The following B3GLCT variants were observed in gnomAD, a reference collection of about 807,000 sequenced individuals.
B3GLCT encodes the protein beta 3-glucosyltransferase.
A neutral mutation model predicts 63.4 loss-of-function variants in B3GLCT; 65 were observed. That is an observed-to-expected ratio of 1.03 (90% CI 0.84 to 1.26). B3GLCT has a LOEUF of 1.26. Among genes scored for constraint, B3GLCT ranks in the 50% most tolerant of loss-of-function variants. B3GLCT has a pLI of 0.00. For missense variants in B3GLCT, 577 were observed against 604.8 expected, an observed-to-expected ratio of 0.95 and a Z score of 0.48; for synonymous variants, 233 against 219.2, an observed-to-expected ratio of 1.06 and a Z score of -0.55.
At chr13:31,273,811 C>CCTGGCT (rs1872668289) in intron 8 of B3GLCT, among the ~76,000 whole-genome samples, 1 of 152,124 alleles carries the variant, frequency 6.6e-6, no homozygotes, top group Non-Finnish European at 1.5e-5. Context: ...ATTAGGGAGG[C>CCTGGCT]CTGGCTTTTG....
chr13:31,316,432 A>AT (rs1566096056), intron 12 of B3GLCT, among the ~76,000 whole-genome samples: 4 of 21,404 alleles, frequency 1.9e-4, no homozygotes, highest in African/African-American at 3.3e-4. Flanking sequence ...TATATATATA[A>AT]ATTTTTTTTT....
At position 31,213,019 on chromosome 13, in the gene B3GLCT, T is replaced by TGTGTGTGTGTGTGTGTGCACGTGTGCGC. The variant is rs1593247654; in HGVS notation, c.71-2011_71-2010insTGTGCGCGTGTGTGTGTGTGTGTGCACG. 2.1e-5 allele frequency among the ~76,000 whole-genome samples: 3 copies of TGTGTGTGTGTGTGTGTGCACGTGTGCGC among 146,220 alleles called. No individual in the cohort carries two copies. In the East Asian group the frequency reaches 6.0e-4, roughly 29 times the overall value. ...AGAACTTGAAGAAATGATTGGGCTT[T>TGTGTGTGTGTGTGTGTGCACGTGTGCGC]GTGTGTGTGTGTGTGTGCACGCGTG... On this transcript the variant is annotated intron_variant, in intron 1 of 14. Transcript: ENST00000343307.
intron 4 of B3GLCT, among the ~76,000 whole-genome samples, chr13:31,230,717 T>G (rs1409893320): frequency 6.6e-6 from 1 of 151,996 alleles, no homozygotes; most frequent in Non-Finnish European, 1.5e-5. Context: ...AGTTAAAAAT[T>G]TTTCTTTTTT....
At chr13:31,299,270 A>G (rs1013549514) in intron 12 of B3GLCT, among the ~76,000 whole-genome samples, 1 of 152,220 alleles carries the variant, frequency 6.6e-6, no homozygotes, top group Non-Finnish European at 1.5e-5. Flanking sequence ...CTATCAAACT[A>G]TGACTCTGAG....
chr13:31,261,209 A>C (rs1872015863), intron 7 of B3GLCT, 127 bp downstream of exon 7: 2 of 1,104,844 alleles, frequency 1.8e-6, no homozygotes, highest in African/African-American at 1.6e-5. Flanking sequence ...AGTGTGTGGT[A>C]AGATCTGGAA....
At chr13:31,263,071 C>A (rs776369426) in intron 7 of B3GLCT, among the ~76,000 whole-genome samples, 10 of 152,104 alleles carry the variant, frequency 6.6e-5, no homozygotes, top group Non-Finnish European at 1.3e-4. Context: ...AACCAGTGGG[C>A]CCAGGTAGAG....
At chr13:31,266,159 G>A (rs749024481) in intron 7 of B3GLCT, among the ~76,000 whole-genome samples, 5 of 151,996 alleles carry the variant, frequency 3.3e-5, no homozygotes, top group Non-Finnish European at 5.9e-5. Context: ...CACCACACCC[G>A]CCTAATATTT....
chr13:31,312,661 G>T lies in B3GLCT; in HGVS notation c.1065-4905G>T, dbSNP rs575128386. Reference sequence around the variant, plus strand: ...AACTTAGTTAAGAGAGAATAAAGTTGCTTCAATAAGAAGTCGCAGGGAGCT... The same window carrying T: ...AACTTAGTTAAGAGAGAATAAAGTTTCTTCAATAAGAAGTCGCAGGGAGCT... On this transcript the variant is annotated intron_variant, in intron 12 of 14. Transcript: ENST00000343307. The T allele has an allele frequency of 3.3e-5, 5 of 152,302 alleles. No homozygotes were observed. In the South Asian group the frequency reaches 1.0e-3, roughly 32 times the overall value. 9.4% of individuals were successfully genotyped at this position (152,302 alleles called of 1,614,324 possible).
chr13:31,217,189 A>G (rs971728333), intron 2 of B3GLCT, among the ~76,000 whole-genome samples: 1 of 152,090 alleles, frequency 6.6e-6, no homozygotes, highest in Non-Finnish European at 1.5e-5. Context: ...ACATTTCCCT[A>G]ATGATTAGTG....
intron 7 of B3GLCT, among the ~76,000 whole-genome samples, chr13:31,262,112 T>G (rs909563133): frequency 2.6e-5 from 4 of 151,814 alleles, no homozygotes; most frequent in Non-Finnish European, 4.4e-5. Flanking sequence ...AAAGGAAGAG[T>G]CGTTTGCAGT....
At chr13:31,232,139 C>G (rs1460333803) in intron 4 of B3GLCT, among the ~76,000 whole-genome samples, 1 of 152,208 alleles carries the variant, frequency 6.6e-6, no homozygotes, top group Non-Finnish European at 1.5e-5. Context: ...CTCTAGATCC[C>G]AGCTTCATCT....
At chr13:31,247,993 T>C (rs755513848) in intron 6 of B3GLCT, 27 bp downstream of exon 6, 1 of 1,216,284 alleles carries the variant, frequency 8.2e-7, no homozygotes, top group Non-Finnish European at 1.2e-6. Flanking sequence ...TACCAGTTCT[T>C]ATTTTGGGGG....
At chr13:31,239,099 A>G (rs750217340) in intron 4 of B3GLCT, among the ~76,000 whole-genome samples, 9 of 152,188 alleles carry the variant, frequency 5.9e-5, no homozygotes, top group Non-Finnish European at 1.2e-4. Context: ...TTGGGATGCC[A>G]AGTAGGAACT....
chr13:31,285,382 T>C (rs1296908469), intron 11 of B3GLCT, among the ~76,000 whole-genome samples: 1 of 152,072 alleles, frequency 6.6e-6, no homozygotes, highest in African/African-American at 2.4e-5. Flanking sequence ...GGGTGATGGC[T>C]TCACCAAAAG....
chr13:31,260,866 G>A (rs2137829919), intron 6 of B3GLCT, 80 bp from the exon 7 acceptor site: 1 of 1,337,776 alleles, frequency 7.5e-7, no homozygotes, highest in Non-Finnish European at 1.1e-6. Context: ...TTAATTATCT[G>A]AAACCAATAG....
intron 6 of B3GLCT, among the ~76,000 whole-genome samples, chr13:31,253,116 G>A (rs1376009156): frequency 6.6e-6 from 1 of 152,036 alleles, no homozygotes; most frequent in East Asian, 1.9e-4. Context: ...ATGACTACTG[G>A]GTAAATAACG....
intron 4 of B3GLCT, among the ~76,000 whole-genome samples, chr13:31,239,720 A>G (rs1416061768): frequency 2.0e-5 from 3 of 149,414 alleles, no homozygotes; most frequent in Non-Finnish European, 4.4e-5. Flanking sequence ...CCTGGGGTCT[A>G]GCCACCAAGC....
At chr13:31,291,787 C>G (rs993409324) in intron 12 of B3GLCT, among the ~76,000 whole-genome samples, 5 of 152,248 alleles carry the variant, frequency 3.3e-5, no homozygotes, top group African/African-American at 1.2e-4. Flanking sequence ...TTCCTCTCTT[C>G]CTATTTGAAT....
At chr13:31,295,112 A>G (rs1371459066) in intron 12 of B3GLCT, among the ~76,000 whole-genome samples, 1 of 152,154 alleles carries the variant, frequency 6.6e-6, no homozygotes, top group Non-Finnish European at 1.5e-5. Flanking sequence ...CGTTCACTCC[A>G]GACCCCATCT....
Sources: gnomAD v4.1 joint callset for allele counts (sites outside exome capture counted in the v4.1 genomes callset) on GRCh38, gnomAD v4.1.1 for gene constraint, MANE v1.5 for transcripts, NCBI Gene and HGNC (gene_info 2026-07-23, HGNC 2026-07-21) for gene names.